The following SUMF1 variants were observed in gnomAD, a reference collection of about 807,000 sequenced individuals.
SUMF1 encodes the protein sulfatase modifying factor 1.
A neutral mutation model predicts 47.6 loss-of-function variants in SUMF1; 48 were observed. That is an observed-to-expected ratio of 1.01 (90% CI 0.80 to 1.28). The LOEUF (loss-of-function observed/expected upper bound fraction) is 1.28, where lower values mean the gene tolerates loss of function less well. Ranked by LOEUF, SUMF1 falls within the 50% of genes most tolerant of loss-of-function variation. The pLI is 0.00. For synonymous variants in SUMF1, 230 were observed against 192.1 expected, an observed-to-expected ratio of 1.20 and a Z score of -1.63; for missense variants, 571 against 485.4, an observed-to-expected ratio of 1.18 and a Z score of -1.66.
chr3:4,246,700 T>G (rs1275197503), intron 8 of SUMF1, among the ~76,000 whole-genome samples: 1 of 152,066 alleles, frequency 6.6e-6, no homozygotes, highest in Non-Finnish European at 1.5e-5. Flanking sequence ...GCACCCAGCC[T>G]TTTTCTCTGT....
At chr3:4,429,974 C>T (rs974194622) in intron 3 of SUMF1, among the ~76,000 whole-genome samples, 3 of 152,114 alleles carry the variant, frequency 2.0e-5, no homozygotes, top group Non-Finnish European at 4.4e-5. Flanking sequence ...TAAAAGTATG[C>T]TTTTAAAGGA....
At chr3:4,428,675 A>C (rs1229079673) in intron 3 of SUMF1, among the ~76,000 whole-genome samples, 2 of 151,862 alleles carry the variant, frequency 1.3e-5, no homozygotes, top group Admixed American at 1.3e-4. Flanking sequence ...TTAATGTCTG[A>C]AACGTCTACA....
At chr3:4,034,922 T>C (rs1002351233) in intron 9 of SUMF1, among the ~76,000 whole-genome samples, 2 of 151,450 alleles carry the variant, frequency 1.3e-5, no homozygotes, top group African/African-American at 2.4e-5. Flanking sequence ...CGGTGTAAGA[T>C]TGGGGAATAG....
intron 9 of SUMF1, among the ~76,000 whole-genome samples, chr3:4,060,573 A>G (rs966763212): frequency 6.6e-6 from 1 of 152,192 alleles, no homozygotes; most frequent in East Asian, 1.9e-4. Flanking sequence ...ATTCAAACAC[A>G]TTAACATTCA....
chr3:4,306,496 T>G (rs1392594137), intron 8 of SUMF1, among the ~76,000 whole-genome samples: 2 of 152,192 alleles, frequency 1.3e-5, no homozygotes, highest in Non-Finnish European at 2.9e-5. Context: ...TAAAACCCAG[T>G]CCCACAGTGT....
rs1053333519 is a variant in SUMF1, at chr3:4,086,011, C to A, written c.1015-17266G>T. ...TGAAGTGAAACTCAGTCCTGAGAAG[C>A]AATCTATGCATCCCCTGGTGCAAGT... On this transcript the variant is annotated intron_variant and NMD_transcript_variant, in intron 8 of 12. Transcript: ENST00000448413. 3.9e-5 allele frequency among the ~76,000 whole-genome samples: 6 copies of A among 151,988 alleles called. 1 individual carries two copies. Among genetic ancestry groups the A allele is most frequent in the Non-Finnish European group, 8.8e-5 (6 of 67,996 alleles).
intron 8 of SUMF1, among the ~76,000 whole-genome samples, chr3:4,239,788 C>A (rs1260677097): frequency 6.6e-6 from 1 of 152,206 alleles, no homozygotes; most frequent in South Asian, 2.1e-4. Flanking sequence ...ATTGCCCTGG[C>A]CAGAACTTCC....
intron 8 of SUMF1, among the ~76,000 whole-genome samples, chr3:4,101,630 AAGAG>A (rs1174667431): frequency 6.6e-6 from 1 of 152,084 alleles, no homozygotes; most frequent in Admixed American, 6.6e-5. Flanking sequence ...AAGTAGCTAA[AAGAG>A]AGTATTTTTA....
At chr3:4,041,157 C>A (rs914963760) in intron 9 of SUMF1, among the ~76,000 whole-genome samples, 1 of 152,188 alleles carries the variant, frequency 6.6e-6, no homozygotes, top group African/African-American at 2.4e-5. Context: ...ACCGCAACCT[C>A]CGCCTCCGGA....
At chr3:4,284,305 G>A (rs1027549834) in intron 8 of SUMF1, among the ~76,000 whole-genome samples, 5 of 151,802 alleles carry the variant, frequency 3.3e-5, no homozygotes, top group South Asian at 2.1e-4. Context: ...CCAGCTACCC[G>A]GGGGGCTGAG....
At chr3:4,096,217 G>A (rs1189878266) in intron 8 of SUMF1, among the ~76,000 whole-genome samples, 2 of 152,130 alleles carry the variant, frequency 1.3e-5, no homozygotes, top group African/African-American at 4.8e-5. Context: ...AGAAAGCTGA[G>A]CATCACCAAC....
At position 4,211,590 on chromosome 3, in the gene SUMF1, A is replaced by T. The variant is rs143581982; in HGVS notation, c.1015-142845T>A. Among the ~76,000 whole-genome samples, 3 of 152,114 alleles carry T rather than the reference A, an allele frequency of 2.0e-5. No individual in the cohort carries two copies. The South Asian group carries it at 6.2e-4, about 32-fold the overall frequency. On this transcript the variant is annotated intron_variant and NMD_transcript_variant, in intron 8 of 12. Coordinates refer to the SUMF1 transcript ENST00000448413. ...CTTAAACCGGACACAGAAAACTCCA[A>T]TCATTTAAAAAACATAGACAAGTTC...
Position 4,362,028 on chromosome 3 carries a change from A to G in SUMF1, c.*116T>C, listed in dbSNP as rs890874473. Reference sequence around the variant, plus strand: ...CGGTTCCTTTGGCCATTGGGCAGGTATGTAACCCACCTCAGGGTGGGAATT... The same window carrying G: ...CGGTTCCTTTGGCCATTGGGCAGGTGTGTAACCCACCTCAGGGTGGGAATT... On this transcript the variant is annotated 3_prime_UTR_variant, in exon 9 of 9. Transcript: ENST00000272902. 5.7e-5 allele frequency: 58 copies of G among 1,011,034 alleles called. No homozygotes were observed. Among genetic ancestry groups the G allele is most frequent in the Non-Finnish European group, 8.2e-5 (54 of 660,248 alleles). 62.6% of individuals were successfully genotyped at this position (1,011,034 alleles called of 1,614,324 possible). A position where few individuals can be genotyped will look rare whatever the true frequency, so the allele number is the denominator to read the frequency against.
intron 8 of SUMF1, among the ~76,000 whole-genome samples, chr3:4,171,936 C>G (rs1694841257): frequency 6.6e-6 from 1 of 152,096 alleles, no homozygotes; most frequent in Non-Finnish European, 1.5e-5. Context: ...AAAGCATACT[C>G]CACCCTTTGA....
At chr3:4,187,362 C>T (rs992124095) in intron 8 of SUMF1, among the ~76,000 whole-genome samples, 2 of 152,104 alleles carry the variant, frequency 1.3e-5, no homozygotes, top group Non-Finnish European at 2.9e-5. Flanking sequence ...GAGTGAGACC[C>T]TGTCTATAAA....
At chr3:4,053,140 G>A (rs1015314132) in intron 9 of SUMF1, among the ~76,000 whole-genome samples, 8 of 152,054 alleles carry the variant, frequency 5.3e-5, no homozygotes, top group Non-Finnish European at 8.8e-5. Flanking sequence ...GGCATTGCAG[G>A]GCTATTAATG....
chr3:4,120,838 G>T (rs950358653), intron 8 of SUMF1, among the ~76,000 whole-genome samples: 1 of 152,110 alleles, frequency 6.6e-6, no homozygotes, highest in Non-Finnish European at 1.5e-5. Context: ...GTCTCATTTT[G>T]GTTCCACAAT....
chr3:4,311,930 T>C (rs1490618104), intron 8 of SUMF1, among the ~76,000 whole-genome samples: 1 of 152,224 alleles, frequency 6.6e-6, no homozygotes, highest in Non-Finnish European at 1.5e-5. Context: ...TGCTTCACGA[T>C]GCTAATGAGG....
chr3:4,248,997 T>C (rs939865098), intron 8 of SUMF1, among the ~76,000 whole-genome samples: 1 of 152,178 alleles, frequency 6.6e-6, no homozygotes, highest in Non-Finnish European at 1.5e-5. Flanking sequence ...ATCTGCATGA[T>C]CTTTCGTCCC....
Sources: allele counts gnomAD v4.1 joint callset (sites outside exome capture counted in the v4.1 genomes callset), GRCh38; gene constraint gnomAD v4.1.1; transcripts MANE v1.5; gene names NCBI Gene and HGNC (gene_info 2026-07-23, HGNC 2026-07-21).